Variants in EYS observed in about 807,000 individuals in gnomAD.
The protein encoded by EYS is EGF-like photoreceptor maintenance factor, also known as protein eyes shut homolog.
In EYS, 250 loss-of-function variants were observed where a neutral mutation model predicts 282.1. That is an observed-to-expected ratio of 0.89 (90% CI 0.80 to 0.98). The LOEUF is 0.98. Among genes scored for constraint, EYS ranks in the 50% least tolerant of loss-of-function variants. The pLI, the probability that EYS is intolerant of heterozygous loss-of-function variation, is 0.00. For synonymous variants in EYS, 1,355 were observed against 1,282.9 expected (o/e 1.06, Z -1.20); for missense variants, 4,016 against 3,709.0 (o/e 1.08, Z -2.15).
At chr6:63,995,542 A>G (rs1448540701) in intron 34 of EYS, among the ~76,000 whole-genome samples, 1 of 152,054 alleles carries the variant, frequency 6.6e-6, no homozygotes, top group Non-Finnish European at 1.5e-5. Context: ...TAGCAATACC[A>G]CTTCTGGGTA....
At chr6:64,447,592 T>G (rs1775156719) in intron 26 of EYS, among the ~76,000 whole-genome samples, 1 of 152,168 alleles carries the variant, frequency 6.6e-6, no homozygotes. Flanking sequence ...CTAATTTATA[T>G]AAAGCATATT....
At chr6:65,348,224 T>G (rs917744313) in intron 9 of EYS, among the ~76,000 whole-genome samples, 1 of 151,748 alleles carries the variant, frequency 6.6e-6, no homozygotes, top group African/African-American at 2.4e-5. Flanking sequence ...AATATACTTA[T>G]CCCCTTTCAT....
intron 29 of EYS, among the ~76,000 whole-genome samples, chr6:64,310,060 T>G (rs1427451609): frequency 1.2e-5 from 1 of 85,584 alleles, no homozygotes; most frequent in African/African-American, 5.9e-5. Context: ...TTATTAAAAG[T>G]AAAAAAAATA....
chr6:64,700,185 T>C (rs1246647964), intron 22 of EYS, among the ~76,000 whole-genome samples: 3 of 151,912 alleles, frequency 2.0e-5, no homozygotes, highest in Non-Finnish European at 4.4e-5. Flanking sequence ...ATGGAGTATC[T>C]CTTCATGACA....
chr6:64,228,656 T>C (rs1359241358), intron 31 of EYS, among the ~76,000 whole-genome samples: 1 of 152,120 alleles, frequency 6.6e-6, no homozygotes, highest in Non-Finnish European at 1.5e-5. Flanking sequence ...TTAAGAAGTA[T>C]AAAATGATTA....
intron 11 of EYS, among the ~76,000 whole-genome samples, chr6:65,310,871 C>T (rs891690189): frequency 3.9e-5 from 6 of 152,058 alleles, no homozygotes; most frequent in Non-Finnish European, 5.9e-5. Flanking sequence ...TTTATATCTT[C>T]GTGGCAATAT....
chr6:64,337,513 G>A (rs1011339454), intron 29 of EYS, among the ~76,000 whole-genome samples: 3 of 151,870 alleles, frequency 2.0e-5, no homozygotes, highest in Non-Finnish European at 2.9e-5. Context: ...AAAAATTCCA[G>A]GACAAGATGG....
intron 26 of EYS, among the ~76,000 whole-genome samples, chr6:64,542,546 T>A (rs1463299417): frequency 6.6e-6 from 1 of 152,110 alleles, no homozygotes; most frequent in Non-Finnish European, 1.5e-5. Flanking sequence ...TCTTGTTAAC[T>A]TATTTGGTCT....
At chr6:65,641,415 C>A (rs1253248622) in intron 1 of EYS, among the ~76,000 whole-genome samples, 1 of 152,226 alleles carries the variant, frequency 6.6e-6, no homozygotes, top group African/African-American at 2.4e-5. Context: ...TTCTGCAAGT[C>A]AGCCATGCCT....
chr6:64,817,820 T>C (rs2150019327), intron 21 of EYS, among the ~76,000 whole-genome samples: 1 of 152,298 alleles, frequency 6.6e-6, no homozygotes, highest in East Asian at 1.9e-4. Flanking sequence ...GGTGTATATG[T>C]ACCATATTTT....
intron 2 of EYS, among the ~76,000 whole-genome samples, chr6:65,606,384 C>T (rs968328289): frequency 2.6e-5 from 4 of 151,740 alleles, no homozygotes; most frequent in East Asian, 1.9e-4. Flanking sequence ...AGAAAGCATA[C>T]GAGTTTGTAT....
intron 8 of EYS, among the ~76,000 whole-genome samples, chr6:65,374,782 G>A (rs866885982): frequency 1.2e-4 from 19 of 152,134 alleles, no homozygotes; most frequent in African/African-American, 3.4e-4. Flanking sequence ...AAGACTGGGC[G>A]GAACGCATCA....
rs1398810362 is a variant in EYS, at chr6:64,475,435, C to T, written c.5645-36083G>A. On this transcript the variant is annotated intron_variant, in intron 26 of 42. Coordinates refer to ENST00000503581, the MANE Select transcript of EYS (RefSeq NM_001142800.2). The stretch of plus-strand genomic sequence containing the variant: ...GCGTAGTGGCGGGCGCCTGTAGTCC[C>T]AGCTACTTGGGAGGCTGAGGCAGGA... 1.7e-5 allele frequency among the ~76,000 whole-genome samples: 2 copies of T among 117,698 alleles called. 1 individual carries two copies. Among genetic ancestry groups the T allele is most frequent in the Non-Finnish European group, 3.7e-5 (2 of 54,292 alleles). 77.2% of individuals were successfully genotyped at this position (117,698 alleles called of 152,430 possible). A position where few individuals can be genotyped will look rare whatever the true frequency, so the allele number is the denominator to read the frequency against.
At chr6:65,053,566 C>T (rs1372423152) in intron 13 of EYS, among the ~76,000 whole-genome samples, 1 of 151,716 alleles carries the variant, frequency 6.6e-6, no homozygotes, top group Non-Finnish European at 1.5e-5. Flanking sequence ...CAACAGAAAG[C>T]CACAATTAGC....
At chr6:65,386,205 T>G (rs1582222983) in intron 7 of EYS, among the ~76,000 whole-genome samples, 1 of 148,874 alleles carries the variant, frequency 6.7e-6, no homozygotes, top group Non-Finnish European at 1.5e-5. Context: ...AGGCCAAAGA[T>G]TTTCTACTCT....
At position 65,295,853 on chromosome 6, in the gene EYS, A is replaced by AT. The variant is rs2150286179; in HGVS notation, c.2023+9_2023+10insA. ...AGAAAATTTAATTTATCAGGAAAAA[A>AT]AAAACTTGCCTTTAAATCCTGGGAC... On this transcript the variant is annotated intron_variant, in intron 12 of 42. Transcript: ENST00000503581. 3 of 1,525,954 alleles carry AT rather than the reference A, an allele frequency of 2.0e-6. No individual in the cohort carries two copies. Among genetic ancestry groups the AT allele is most frequent in the Non-Finnish European group, 2.6e-6 (3 of 1,139,230 alleles). The allele number at this position is 1,525,954 out of a possible 1,614,324, so 94.5% of individuals were successfully genotyped here. A position where few individuals can be genotyped will look rare whatever the true frequency, so the allele number is the denominator to read the frequency against.
chr6:65,366,314 T>G (rs1764910646), intron 8 of EYS, among the ~76,000 whole-genome samples: 1 of 151,722 alleles, frequency 6.6e-6, no homozygotes, highest in Non-Finnish European at 1.5e-5. Flanking sequence ...AAATGCAGAA[T>G]TTTAACTAAT....
At chr6:63,750,872 G>T (rs1029072751) in intron 41 of EYS, among the ~76,000 whole-genome samples, 1 of 152,188 alleles carries the variant, frequency 6.6e-6, no homozygotes, top group Admixed American at 6.5e-5. Context: ...TGGTGTCTTT[G>T]TTGGGGAAGG....
Position 64,081,886 on chromosome 6 carries a change from T to A in EYS, c.6541A>T (p.Thr2181Ser). Residue 2181 changes from threonine (T) to serine (S), a missense_variant, in exon 32 of 43, where the codon ACA becomes TCA. By Grantham distance (58) the Thr-to-Ser change is moderately conservative. Transcript: ENST00000503581. Reference protein sequence around the residue: ...RTVTIYLTIKTNSLNGTILYS... With the variant: ...RTVTIYLTIKSNSLNGTILYS... ...AGAATAGTTCCATTTAAACTGTTTG[T>A]TTTTATAGTCAAGTAGATGGTAACA... The A allele has an allele frequency of 6.5e-7, 1 of 1,540,858 alleles. No individual in the cohort carries two copies. The highest frequency in any genetic ancestry group is 8.8e-7 in the Non-Finnish European group (1 of 1,138,868).
Sources: gnomAD v4.1 joint callset for allele counts (sites outside exome capture counted in the v4.1 genomes callset) on GRCh38, gnomAD v4.1.1 for gene constraint, MANE v1.5 for transcripts, NCBI Gene and HGNC (gene_info 2026-07-23, HGNC 2026-07-21) for gene names.